The following CYP2J2 variants were observed in gnomAD, a reference collection of about 807,000 sequenced individuals.
CYP2J2 encodes cytochrome P450 2J2.
A neutral mutation model predicts 48.8 loss-of-function variants in CYP2J2; 41 were observed. The ratio of observed to expected loss-of-function variants is 0.84; its 90% CI spans 0.66 to 1.09. The LOEUF (loss-of-function observed/expected upper bound fraction) is 1.09. CYP2J2 is among the 50% of genes least tolerant of loss of function. The pLI, the probability that CYP2J2 is intolerant of heterozygous loss-of-function variation, is 0.00. For missense variants in CYP2J2, 644 were observed against 617.3 expected (o/e 1.04, Z -0.46); for synonymous variants, 221 against 227.1 (o/e 0.97, Z 0.24).
At chr1:59,897,961 C>T (rs116059720) in intron 8 of CYP2J2, among the ~76,000 whole-genome samples, 1 of 152,086 alleles carries the variant, frequency 6.6e-6, no homozygotes, top group East Asian at 1.9e-4. Flanking sequence ...TTTTGTCAAC[C>T]CTTTGGATTC....
intron 2 of CYP2J2, among the ~76,000 whole-genome samples, chr1:59,913,467 A>T (rs1200324151): frequency 6.6e-6 from 1 of 152,080 alleles, no homozygotes; most frequent in African/African-American, 2.4e-5. Flanking sequence ...CCATGATTGA[A>T]CTCACAGTTT....
chr1:59,924,675 A>G (rs1644548779), intron 1 of CYP2J2, among the ~76,000 whole-genome samples: 3 of 152,112 alleles, frequency 2.0e-5, no homozygotes, highest in African/African-American at 7.2e-5. Flanking sequence ...GCTAAAAAAC[A>G]CCTCAGATAA....
the CYP2J2 span, among the ~76,000 whole-genome samples, chr1:59,949,145 G>T: frequency 1.2e-4 from 18 of 152,202 alleles, no homozygotes; most frequent in South Asian, 3.7e-3. Flanking sequence ...TGTCTCTGTT[G>T]TTGCCTATAT....
the CYP2J2 span, among the ~76,000 whole-genome samples, chr1:59,952,816 C>T: frequency 9.2e-5 from 14 of 152,286 alleles, no homozygotes; most frequent in Admixed American, 3.3e-4. Flanking sequence ...GGAGATATAG[C>T]AGCCAGCAAG....
chr1:59,905,004 G>T lies in CYP2J2; in HGVS notation c.1058C>A (p.Thr353Lys), dbSNP rs1171069091. 5.6e-6 allele frequency: 9 copies of T among 1,614,014 alleles called. No individual in the cohort carries two copies. The highest frequency in any genetic ancestry group is 7.6e-6 in the Non-Finnish European group (9 of 1,179,960). ...GTAGGGCATGGACTCCCGGGCGGCT[G>T]TGCTCGGCTGCTGCCCCTGGCCAAT... is the stretch of plus-strand genomic sequence containing the variant. The part of the protein sequence containing the change: ...RVIGQGQQPS[T>K]AARESMPYTN... The change falls in exon 7 of 9, where the codon ACA (threonine) becomes AAA (lysine). Residue 353 changes from threonine (T) to lysine (K), a missense_variant. Thr to Lys is a moderately conservative substitution (Grantham distance 78). Coordinates refer to ENST00000371204, the MANE Select transcript of CYP2J2 (RefSeq NM_000775.4).
the CYP2J2 span, among the ~76,000 whole-genome samples, chr1:59,953,151 T>G: frequency 1.3e-5 from 2 of 152,194 alleles, no homozygotes; most frequent in Non-Finnish European, 2.9e-5. Context: ...AAACCACTTA[T>G]GACAACGGGT....
intron 2 of CYP2J2, among the ~76,000 whole-genome samples, chr1:59,914,136 T>C (rs1475021071): frequency 1.3e-5 from 2 of 152,240 alleles, no homozygotes; most frequent in East Asian, 3.8e-4. Flanking sequence ...CATCCTGAAC[T>C]TGACTTCATA....
intron 2 of CYP2J2, among the ~76,000 whole-genome samples, chr1:59,915,002 AC>A (rs1215282810): frequency 6.6e-6 from 1 of 152,214 alleles, no homozygotes; most frequent in East Asian, 1.9e-4. Context: ...TCTTTACTCT[AC>A]TGGGATGTTT....
Position 59,926,666 on chromosome 1 carries a change from G to A in CYP2J2, c.81C>T (p.Ala27=), listed in dbSNP as rs142934991. Residue 27 remains alanine (A), a synonymous_variant, in exon 1 of 9, where the codon GCC becomes GCT. Transcript: ENST00000371204. Reference sequence around the variant, plus strand: ...TGAGAAAGTCAGCAGCGAGCAGAAAGGCGACAGTGCCCAGTAGGAGAGTCC... The same window carrying A: ...TGAGAAAGTCAGCAGCGAGCAGAAAAGCGACAGTGCCCAGTAGGAGAGTCC... ...HPRTLLLGTV[A]FLLAADFLKR... 1,156 of 1,614,250 alleles carry A rather than the reference G, an allele frequency of 7.2e-4. 2 individuals are homozygous for A. The highest frequency in any genetic ancestry group is 9.0e-4 in the Non-Finnish European group (1,066 of 1,180,038).
chr1:59,961,624 A>G, the CYP2J2 span, among the ~76,000 whole-genome samples: 1 of 152,174 alleles, frequency 6.6e-6, no homozygotes, highest in African/African-American at 2.4e-5. Flanking sequence ...ACAGCTATAT[A>G]TAATGAAAAA....
the CYP2J2 span, among the ~76,000 whole-genome samples, chr1:59,955,569 A>C: frequency 7.6e-3 from 1,159 of 152,208 alleles, 63 homozygotes; most frequent in Admixed American, 0.07. Context: ...TAGCAACCAT[A>C]CAGTGAAGAT....
intron 2 of CYP2J2, chr1:59,913,068 T>C (rs1644432110): frequency 6.6e-6 from 1 of 152,216 alleles, no homozygotes; most frequent in Non-Finnish European, 1.5e-5. Context: ...GCTCACCCAC[T>C]GAATTGGTCC....
chr1:59,967,163 CTGAGA>C, the CYP2J2 span, among the ~76,000 whole-genome samples: 1 of 152,120 alleles, frequency 6.6e-6, no homozygotes, highest in Admixed American at 6.6e-5. Context: ...TAAGAATGAG[CTGAGA>C]TAACCACTAA....
chr1:59,968,921 G>A, the CYP2J2 span, among the ~76,000 whole-genome samples: 8 of 152,156 alleles, frequency 5.3e-5, no homozygotes, highest in African/African-American at 1.9e-4. Flanking sequence ...TCTGATGTTC[G>A]GATATGTTCG....
At chr1:59,934,599 G>A in the CYP2J2 span, among the ~76,000 whole-genome samples, 1 of 152,066 alleles carries the variant, frequency 6.6e-6, no homozygotes, top group Non-Finnish European at 1.5e-5. Flanking sequence ...ACAGGTATAT[G>A]AAATGATGCT....
At chr1:59,956,714 G>GA in the CYP2J2 span, among the ~76,000 whole-genome samples, 1 of 151,930 alleles carries the variant, frequency 6.6e-6, no homozygotes, top group African/African-American at 2.4e-5. Context: ...AAAGAAATAA[G>GA]AAAAAAATAA....
At chr1:59,968,088 T>G in the CYP2J2 span, among the ~76,000 whole-genome samples, 3 of 152,100 alleles carry the variant, frequency 2.0e-5, no homozygotes, top group African/African-American at 7.2e-5. Flanking sequence ...TCTCCAGCTG[T>G]GGATGATACC....
the CYP2J2 span, among the ~76,000 whole-genome samples, chr1:59,962,384 T>A: frequency 6.6e-6 from 1 of 151,990 alleles, no homozygotes; most frequent in Non-Finnish European, 1.5e-5. Context: ...AGAAGAAACA[T>A]TGCTAAAAAG....
In CYP2J2 at chr1:59,911,629, C is replaced by T; in HGVS notation, c.663G>A (p.Leu221=). 6.2e-7 allele frequency: 1 copy of T among 1,611,524 alleles called. No individual in the cohort carries two copies. Among genetic ancestry groups the T allele is most frequent in the Non-Finnish European group, 8.5e-7 (1 of 1,178,622 alleles). The stretch of plus-strand genomic sequence containing the variant: ...TTACCTGGCATGTCTTTGAAGCCTC[C>T]AAGTATGTGACTTCATCTAGTAACT... ...LLKLLDEVTY[L]EASKTCQLYN... is the part of the protein sequence containing the mutation. Residue 221 remains leucine (L), a synonymous_variant, in exon 4 of 9, where the codon TTG becomes TTA. Transcript: ENST00000371204.
Sources: allele counts gnomAD v4.1 joint callset (sites outside exome capture counted in the v4.1 genomes callset), GRCh38; gene constraint gnomAD v4.1.1; transcripts MANE v1.5; gene names NCBI Gene and HGNC (gene_info 2026-07-23, HGNC 2026-07-21).